The following CNTN4 variants were observed in gnomAD, a reference collection of about 807,000 sequenced individuals.
The protein encoded by CNTN4 is contactin 4.
In CNTN4, 77 loss-of-function variants were observed where a neutral mutation model predicts 122.5. The ratio of observed to expected loss-of-function variants is 0.63; its 90% CI spans 0.52 to 0.76. CNTN4 has a LOEUF of 0.76. CNTN4 is among the 30% of genes least tolerant of loss of function. The pLI is 0.00. For missense variants in CNTN4, 1,256 were observed against 1,259.1 expected, an observed-to-expected ratio of 1.00 and a Z score of 0.04; for synonymous variants, 512 against 447.0, an observed-to-expected ratio of 1.15 and a Z score of -1.83.
intron 6 of CNTN4, among the ~76,000 whole-genome samples, chr3:2,764,886 A>C (rs2149718735): frequency 6.6e-6 from 1 of 152,282 alleles, no homozygotes; most frequent in African/African-American, 2.4e-5. Flanking sequence ...CTCAGACATA[A>C]AAAAATTAAA....
chr3:2,541,815 C>T (rs1187190037), intron 3 of CNTN4, among the ~76,000 whole-genome samples: 1 of 152,072 alleles, frequency 6.6e-6, no homozygotes, highest in Admixed American at 6.6e-5. Context: ...TTCTTCAACT[C>T]TTAATTAGCT....
chr3:2,843,543 G>A (rs977623168), intron 7 of CNTN4, among the ~76,000 whole-genome samples: 1 of 152,162 alleles, frequency 6.6e-6, no homozygotes, highest in African/African-American at 2.4e-5. Flanking sequence ...TGGAGGTGGG[G>A]CCTGGTGGGA....
chr3:2,244,066 G>C (rs544917228), intron 2 of CNTN4, among the ~76,000 whole-genome samples: 2 of 152,038 alleles, frequency 1.3e-5, no homozygotes, highest in Non-Finnish European at 2.9e-5. Flanking sequence ...ACTCCAAGTA[G>C]ATGCCTGCAG....
At position 2,337,780 on chromosome 3, in the gene CNTN4, A is replaced by C. The variant is rs554306000; in HGVS notation, c.-144-1398A>C. ...GAAGAAGAAAAAATATATATGACAAATTTTTAGTAATATTTGAAAAAACAA... is the reference window on the plus strand; with the variant it reads ...GAAGAAGAAAAAATATATATGACAACTTTTTAGTAATATTTGAAAAAACAA... On this transcript the variant is annotated intron_variant, in intron 2 of 24. Transcript: ENST00000418658. Among the ~76,000 whole-genome samples the C allele has an allele frequency of 1.2e-3, 176 of 151,722 alleles. 1 individual carries two copies. Among genetic ancestry groups the C allele is most frequent in the Non-Finnish European group, 1.7e-3 (112 of 67,834 alleles).
chr3:2,772,199 C>T (rs1046842509), intron 6 of CNTN4, among the ~76,000 whole-genome samples: 2 of 152,048 alleles, frequency 1.3e-5, no homozygotes, highest in Non-Finnish European at 2.9e-5. Flanking sequence ...AACTTGATTA[C>T]TGTGGCTTCA....
chr3:2,151,546 A>AAAACT (rs1245647890), intron 2 of CNTN4, among the ~76,000 whole-genome samples: 92 of 152,312 alleles, frequency 6.0e-4, no homozygotes, highest in African/African-American at 2.1e-3. Context: ...ACATATTTGC[A>AAAACT]ATGTTTTGCA....
At position 2,212,954 on chromosome 3, in the gene CNTN4, C is replaced by T. The variant is rs563745445; in HGVS notation, c.-145+112315C>T. On this transcript the variant is annotated intron_variant, in intron 2 of 24. Coordinates refer to ENST00000418658, the MANE Select transcript of CNTN4 (RefSeq NM_175607.3). ...GATTTTTATGAATCTTTGAGCTCAT[C>T]AGAGCGCTCATGATATTAATGTGGA... is the stretch of plus-strand genomic sequence containing the variant. Among the ~76,000 whole-genome samples, 4 of 152,254 alleles carry T rather than the reference C, an allele frequency of 2.6e-5. No individual in the cohort carries two copies. The East Asian group carries it at 7.7e-4, about 29-fold the overall frequency.
At chr3:2,305,394 G>GT (rs1044656619) in intron 2 of CNTN4, among the ~76,000 whole-genome samples, 12 of 151,970 alleles carry the variant, frequency 7.9e-5, no homozygotes, top group Non-Finnish European at 1.5e-5. Flanking sequence ...TTTATTTATT[G>GT]TTTTTTTGGT....
At chr3:2,419,327 T>A (rs949089208) in intron 3 of CNTN4, among the ~76,000 whole-genome samples, 2 of 152,156 alleles carry the variant, frequency 1.3e-5, no homozygotes, top group Non-Finnish European at 2.9e-5. Flanking sequence ...TTATAGTTTT[T>A]AGGAATAGAG....
At chr3:2,510,770 C>A (rs1004961976) in intron 3 of CNTN4, among the ~76,000 whole-genome samples, 2 of 152,072 alleles carry the variant, frequency 1.3e-5, no homozygotes, top group Non-Finnish European at 1.5e-5. Context: ...CTCTCTCTTG[C>A]CAGACCAAGC....
intron 14 of CNTN4, among the ~76,000 whole-genome samples, chr3:3,018,330 T>G (rs913738589): frequency 1.3e-5 from 2 of 152,238 alleles, no homozygotes; most frequent in Non-Finnish European, 2.9e-5. Context: ...CATAAAACTT[T>G]AATTTTTAAA....
intron 2 of CNTN4, among the ~76,000 whole-genome samples, chr3:2,178,961 A>C (rs1559316290): frequency 1.3e-5 from 2 of 152,040 alleles, no homozygotes; most frequent in Non-Finnish European, 2.9e-5. Context: ...AACTGAGTAA[A>C]GTAGATTTAT....
In CNTN4 at chr3:2,180,742, C is replaced by T. The variant is rs2036978167; in HGVS notation, c.-145+80103C>T. On this transcript the variant is annotated intron_variant, in intron 2 of 24. Coordinates refer to ENST00000418658, the MANE Select transcript of CNTN4 (RefSeq NM_175607.3). ...GTCTGTTGACTATCACGCACACTTA[C>T]AGAAAGCCTACCTTTGGGGATAACT... Among the ~76,000 whole-genome samples the T allele has an allele frequency of 3.9e-5, 6 of 152,176 alleles. 1 individual carries two copies. The South Asian group carries it at 1.2e-3, about 32-fold the overall frequency.
intron 4 of CNTN4, among the ~76,000 whole-genome samples, chr3:2,629,284 G>A (rs529661882): frequency 3.8e-4 from 58 of 152,292 alleles, no homozygotes; most frequent in Non-Finnish European, 6.3e-4. Context: ...AACCAATCCT[G>A]TTGGCACCTC....
intron 3 of CNTN4, among the ~76,000 whole-genome samples, chr3:2,498,581 A>T (rs1316364319): frequency 1.3e-5 from 2 of 152,010 alleles, no homozygotes; most frequent in Non-Finnish European, 2.9e-5. Context: ...CCCAGGCTCA[A>T]ATGACCCTCC....
intron 10 of CNTN4, among the ~76,000 whole-genome samples, chr3:2,898,185 G>A (rs75092659): frequency 0.018 from 2,690 of 152,286 alleles, 89 homozygotes; most frequent in African/African-American, 0.061. Flanking sequence ...GGCGTGTTAA[G>A]ATAGACTGTC....
intron 24 of CNTN4, among the ~76,000 whole-genome samples, chr3:3,055,025 G>A (rs749839556): frequency 2.0e-5 from 3 of 152,156 alleles, no homozygotes; most frequent in African/African-American, 7.2e-5. Context: ...CCACCATCCT[G>A]ACTTTTAGCC....
At chr3:3,002,205 C>T (rs957315766) in intron 14 of CNTN4, among the ~76,000 whole-genome samples, 3 of 152,082 alleles carry the variant, frequency 2.0e-5, no homozygotes, top group Non-Finnish European at 4.4e-5. Flanking sequence ...TTGATTCGAC[C>T]AGTGTGTTTG....
In CNTN4 at chr3:2,691,466, G is replaced by A. The variant is rs542449695; in HGVS notation, c.56-44749G>A. On this transcript the variant is annotated intron_variant, in intron 4 of 24. Transcript: ENST00000418658. ...GTTTTACTCCCAATGTGGAATAATA[G>A]CAGGAAGTCTGTTGTGTGGCTCCAG... 2.4e-4 allele frequency among the ~76,000 whole-genome samples: 36 copies of A among 152,262 alleles called. 1 individual carries two copies. In the South Asian group the frequency reaches 6.2e-3, roughly 26 times the overall value.
Sources: allele counts gnomAD v4.1 joint callset (sites outside exome capture counted in the v4.1 genomes callset), GRCh38; gene constraint gnomAD v4.1.1; transcripts MANE v1.5; gene names NCBI Gene and HGNC (gene_info 2026-07-23, HGNC 2026-07-21).